The following VAV3 variants were observed in gnomAD, a reference collection of about 807,000 sequenced individuals.
VAV3 encodes the protein guanine nucleotide exchange factor VAV3.
Under a neutral mutation model 131.2 loss-of-function variants are expected in VAV3, and 94 were observed. The ratio of observed to expected loss-of-function variants is 0.72; its 90% confidence interval spans 0.61 to 0.85. The LOEUF is 0.85. Among genes scored for constraint, VAV3 ranks in the 40% least tolerant of loss-of-function variants. The probability of loss-of-function intolerance (pLI) is 0.00; values close to 1 mark genes in which losing one functional copy is unlikely to be tolerated. For missense variants in VAV3, 939 were observed against 1,002.7 expected, an observed-to-expected ratio of 0.94 and a Z score of 0.86; for synonymous variants, 349 against 342.0, an observed-to-expected ratio of 1.02 and a Z score of -0.22.
At position 107,707,614 on chromosome 1, in the gene VAV3, C is replaced by A. The variant is rs1299665332; in HGVS notation, c.1503-2553G>T. The stretch of plus-strand genomic sequence containing the variant: ...AGGACACCCATTCTTCTGAGAATCT[C>A]CAGCACAACGACTTATATGCTCAGT... On this transcript the variant is annotated intron_variant, in intron 15 of 26. Coordinates refer to ENST00000370056, the MANE Select transcript of VAV3 (RefSeq NM_006113.5). 2.6e-5 allele frequency among the ~76,000 whole-genome samples: 4 copies of A among 152,278 alleles called. No homozygotes were observed. The East Asian group carries it at 7.7e-4, about 29-fold the overall frequency.
At chr1:107,628,021 A>G (rs929764760) in intron 20 of VAV3, among the ~76,000 whole-genome samples, 21 of 149,602 alleles carry the variant, frequency 1.4e-4, no homozygotes, top group South Asian at 4.3e-4. Context: ...AAAGACCCTT[A>G]GGACACAGTA....
chr1:107,793,980 A>C (rs959173202), intron 2 of VAV3, among the ~76,000 whole-genome samples: 2 of 152,258 alleles, frequency 1.3e-5, no homozygotes, highest in African/African-American at 2.4e-5. Context: ...TAGCTTGAGC[A>C]AACTTTAGAA....
At chr1:107,616,473 T>G (rs561265723) in intron 21 of VAV3, among the ~76,000 whole-genome samples, 9 of 152,244 alleles carry the variant, frequency 5.9e-5, no homozygotes, top group Admixed American at 5.9e-4. Context: ...ATCTAAACAC[T>G]ACCTATCAGG....
At chr1:107,584,101 C>T (rs12028198) in intron 25 of VAV3, among the ~76,000 whole-genome samples, 4,269 of 152,200 alleles carry the variant, frequency 0.028, 87 homozygotes, top group East Asian at 0.05. Context: ...GAAATAACAC[C>T]GCATATCTAC....
intron 15 of VAV3, among the ~76,000 whole-genome samples, chr1:107,737,111 T>C (rs1218654148): frequency 2.6e-5 from 4 of 152,210 alleles, no homozygotes; most frequent in Non-Finnish European, 4.4e-5. Flanking sequence ...GTGGAAGGAT[T>C]CCCTATTTAA....
At chr1:107,875,225 C>T (rs1055543691) in intron 1 of VAV3, among the ~76,000 whole-genome samples, 1 of 152,098 alleles carries the variant, frequency 6.6e-6, no homozygotes, top group Non-Finnish European at 1.5e-5. Flanking sequence ...CAATTTCTAC[C>T]CTCATGAAAC....
rs543470932 is a variant in VAV3, at chr1:107,943,708, C to T, written c.204+20958G>A. 2.6e-5 allele frequency among the ~76,000 whole-genome samples: 4 copies of T among 152,336 alleles called. 1 individual carries two copies. In the South Asian group the frequency reaches 6.2e-4, roughly 24 times the overall value. On this transcript the variant is annotated intron_variant, in intron 1 of 26. Coordinates refer to ENST00000370056, the MANE Select transcript of VAV3 (RefSeq NM_006113.5). ...AGTGAGCCGAGATGGTGCCACTGTGCTCCAGCCTGGCAACAGAGCGAGACT... is the reference window on the plus strand; with the variant it reads ...AGTGAGCCGAGATGGTGCCACTGTGTTCCAGCCTGGCAACAGAGCGAGACT...
At position 107,682,228 on chromosome 1, in the gene VAV3, A is replaced by C. The variant is rs1429486617; in HGVS notation, c.1777+1260T>G. ...GGTTGAGTCAAATATGTTCCTATTGACATACTACAAATACAAAAATGCATT... is the reference window on the plus strand; with the variant it reads ...GGTTGAGTCAAATATGTTCCTATTGCCATACTACAAATACAAAAATGCATT... On this transcript the variant is annotated intron_variant, in intron 19 of 26. Transcript: ENST00000370056. Among the ~76,000 whole-genome samples, 12 of 152,146 alleles carry C rather than the reference A, an allele frequency of 7.9e-5. 2 individuals carry two copies. The highest frequency in any genetic ancestry group is 7.9e-4 in the Admixed American group (12 of 15,246).
chr1:107,878,103 C>T (rs924925813), intron 1 of VAV3, among the ~76,000 whole-genome samples: 1 of 152,136 alleles, frequency 6.6e-6, no homozygotes, highest in African/African-American at 2.4e-5. Context: ...CTACATGCAA[C>T]AATTGCAACA....
intron 2 of VAV3, among the ~76,000 whole-genome samples, chr1:107,868,326 A>G (rs903661725): frequency 6.6e-6 from 1 of 152,178 alleles, no homozygotes; most frequent in Non-Finnish European, 1.5e-5. Flanking sequence ...AAATGTTTTC[A>G]GGTGTTGATT....
intron 1 of VAV3, among the ~76,000 whole-genome samples, chr1:107,953,843 A>G (rs1674672322): frequency 1.3e-5 from 2 of 152,380 alleles, no homozygotes; most frequent in South Asian, 2.1e-4. Context: ...CAAGTGTATC[A>G]TTAAATATTC....
chr1:107,605,580 T>C (rs941250373), intron 22 of VAV3, among the ~76,000 whole-genome samples: 43 of 152,318 alleles, frequency 2.8e-4, no homozygotes, highest in Admixed American at 1.2e-3. Flanking sequence ...ACGTTGAGCA[T>C]CTCTAATCTT....
intron 25 of VAV3, among the ~76,000 whole-genome samples, chr1:107,576,157 A>G (rs1649631760): frequency 6.6e-6 from 1 of 152,012 alleles, no homozygotes; most frequent in Non-Finnish European, 1.5e-5. Context: ...ACTCTCCCCA[A>G]CAGATAAATT....
At chr1:107,950,997 A>C (rs974185056) in intron 1 of VAV3, among the ~76,000 whole-genome samples, 1 of 152,200 alleles carries the variant, frequency 6.6e-6, no homozygotes, top group East Asian at 1.9e-4. Context: ...AGAATAGACC[A>C]TCATCTCATG....
At position 107,573,246 on chromosome 1, in the gene VAV3, C is replaced by T; in HGVS notation, c.*85G>A. ...AGCCAGAAATGCAGCTTTTTAAACA[C>T]TTCAGTTAATTCACGATGCTGTGCA... On this transcript the variant is annotated 3_prime_UTR_variant, in exon 27 of 27. Transcript: ENST00000370056. The T allele has an allele frequency of 6.7e-7, 1 of 1,495,978 alleles. No individual in the cohort carries two copies. The highest frequency in any genetic ancestry group is 1.2e-5 in the South Asian group (1 of 82,516). 92.7% of individuals were successfully genotyped at this position (1,495,978 alleles called of 1,614,324 possible). A position where few individuals can be genotyped will look rare whatever the true frequency, so the allele number is the denominator to read the frequency against.
At chr1:107,605,075 A>T (rs1306307845) in intron 22 of VAV3, among the ~76,000 whole-genome samples, 1 of 152,178 alleles carries the variant, frequency 6.6e-6, no homozygotes, top group Non-Finnish European at 1.5e-5. Flanking sequence ...GTGTTCATTC[A>T]AAGAATATCT....
At chr1:107,813,570 T>C (rs1224024282) in intron 2 of VAV3, among the ~76,000 whole-genome samples, 1 of 152,254 alleles carries the variant, frequency 6.6e-6, no homozygotes, top group Admixed American at 6.5e-5. Flanking sequence ...GTATTTATAA[T>C]AACCACCACC....
chr1:107,591,902 C>T (rs1650982726), intron 25 of VAV3, among the ~76,000 whole-genome samples: 1 of 152,074 alleles, frequency 6.6e-6, no homozygotes. Flanking sequence ...TTATCAAAAG[C>T]AGAAAATTGC....
intron 19 of VAV3, among the ~76,000 whole-genome samples, chr1:107,648,524 G>A (rs1230002980): frequency 6.6e-6 from 1 of 151,986 alleles, no homozygotes; most frequent in African/African-American, 2.4e-5. Flanking sequence ...AGGAGAAAAT[G>A]CCATGTACTT....
Sources: allele counts gnomAD v4.1 joint callset (sites outside exome capture counted in the v4.1 genomes callset), GRCh38; gene constraint gnomAD v4.1.1; transcripts MANE v1.5; gene names NCBI Gene and HGNC (gene_info 2026-07-23, HGNC 2026-07-21).